Variants in TM6SF1 observed in about 807,000 individuals in gnomAD.
The protein encoded by TM6SF1 is transmembrane 6 superfamily member 1.
A neutral mutation model predicts 47.1 loss-of-function variants in TM6SF1; 43 were observed. The observed-to-expected ratio is 0.91, with a 90% CI of 0.72 to 1.18. TM6SF1 has a LOEUF of 1.18. Ranked by LOEUF, TM6SF1 falls within the 50% of genes most tolerant of loss-of-function variation. The probability of loss-of-function intolerance (pLI) is 0.00; values close to 1 mark genes in which losing one functional copy is unlikely to be tolerated. For missense variants in TM6SF1, 390 were observed against 449.0 expected, an observed-to-expected ratio of 0.87 and a Z score of 1.19; for synonymous variants, 177 against 166.3, an observed-to-expected ratio of 1.06 and a Z score of -0.49.
chr15:83,120,587 CTTTTT>C (rs993490763), intron 4 of TM6SF1, among the ~76,000 whole-genome samples: 1 of 125,946 alleles, frequency 7.9e-6, no homozygotes, highest in Non-Finnish European at 1.7e-5. Flanking sequence ...CCAGCTAATT[CTTTTT>C]TTTTTTTTTT....
Position 83,111,768 on chromosome 15 carries a change from T to TCCC in TM6SF1, c.93-1029_93-1028insCCC, listed in dbSNP as rs2034207480. ...TGCTGGAGGTGTGAGAGGGAGAGTA[T>TCCC]TGCTGTTGGACTGCAGGAGAACTCC... On this transcript the variant is annotated intron_variant, in intron 1 of 9. Transcript: ENST00000322019. The TCCC allele has an allele frequency of 6.2e-6, 5 of 811,780 alleles. No homozygotes were observed. The African/African-American group carries it at 7.4e-5, about 12-fold the overall frequency. 50.3% of individuals were successfully genotyped at this position (811,780 alleles called of 1,614,324 possible).
In TM6SF1 at chr15:83,127,404, TG is replaced by T; in HGVS notation, c.849del (p.Tyr284MetfsTer3). On this transcript the variant is annotated frameshift_variant, in exon 9 of 10. Transcript: ENST00000322019. LOFTEE classifies it high-confidence loss of function. Reference sequence around the variant, plus strand: ...TCTGTTCCTTACTTTGTGACTGCACTGTATGGCTTAGTGGTTCCTGGATGTT... The same window carrying T: ...TCTGTTCCTTACTTTGTGACTGCACTTATGGCTTAGTGGTTCCTGGATGTT... ...FYSVPYFVTA[L>X]YGLVVPGCSW... 1.9e-6 allele frequency: 3 copies of T among 1,614,082 alleles called. No individual in the cohort carries two copies. Among genetic ancestry groups the T allele is most frequent in the Non-Finnish European group, 2.5e-6 (3 of 1,179,952 alleles).
chr15:83,124,664 T>C lies in TM6SF1; in HGVS notation c.604-8T>C. The C allele has an allele frequency of 6.2e-7, 1 of 1,612,676 alleles. No homozygotes were observed. Among genetic ancestry groups the C allele is most frequent in the Non-Finnish European group, 8.5e-7 (1 of 1,178,914 alleles). Reference sequence around the variant, plus strand: ...GGGCCTGCTCTTTAGGTACAAACTCTATTTTAGGTTATTCAAGAAGCCCAA... The same window carrying C: ...GGGCCTGCTCTTTAGGTACAAACTCCATTTTAGGTTATTCAAGAAGCCCAA... On this transcript the variant is annotated splice_polypyrimidine_tract_variant and splice_region_variant and intron_variant, in intron 6 of 9. Transcript: ENST00000322019.
At position 83,122,845 on chromosome 15, in the gene TM6SF1, T is replaced by C; in HGVS notation, c.570T>C (p.Asn190=). 6.2e-7 allele frequency: 1 copy of C among 1,614,062 alleles called. No individual in the cohort carries two copies. Among genetic ancestry groups the C allele is most frequent in the East Asian group, 2.2e-5 (1 of 44,880 alleles). Residue 190 remains asparagine (N), a synonymous_variant, in exon 6 of 10, where the codon AAT becomes AAC. Transcript: ENST00000322019. The part of the protein sequence containing the change: ...LPVWAGFRIY[N]QPSENYNYPS... ...TCTGGGCTGGTTTCAGAATCTATAA[T>C]CAGCCATCAGAAAATTATAATTACC...
chr15:83,122,997 TG>T, intron 6 of TM6SF1, 119 bp downstream of exon 6: 1 of 1,149,314 alleles, frequency 8.7e-7, no homozygotes, highest in Non-Finnish European at 1.2e-6. Flanking sequence ...ATCCAAACAG[TG>T]CGACTGTTTT....
In TM6SF1 at chr15:83,107,664, G is replaced by T; in HGVS notation, c.-17G>T. 6.5e-7 allele frequency: 1 copy of T among 1,535,344 alleles called. No individual in the cohort carries two copies. ...CCCAGCGGGATGCGGTGAAGGGCGA[G>T]CGGCGCGGCGGCTGCGATGAGTGCC... On this transcript the variant is annotated 5_prime_UTR_variant, in exon 1 of 10. Coordinates refer to ENST00000322019, the MANE Select transcript of TM6SF1 (RefSeq NM_023003.5). This position sits in a 1 kb window ranked among gnomAD's most constrained non-coding sequence, Gnocchi z 5.6.
chr15:83,118,026 T>C (rs1322636236), intron 3 of TM6SF1, among the ~76,000 whole-genome samples: 1 of 152,156 alleles, frequency 6.6e-6, no homozygotes, highest in East Asian at 1.9e-4. Flanking sequence ...AAAATGACCA[T>C]GTGGTTTTGA....
At chr15:83,129,611 C>G (rs2036064536) in intron 9 of TM6SF1, 1 of 152,216 alleles carries the variant, frequency 6.6e-6, no homozygotes, top group South Asian at 2.1e-4. Context: ...CTCCAAAGCT[C>G]ATATTCTTCT....
At position 83,122,986 on chromosome 15, in the gene TM6SF1, C is replaced by A. The variant is rs947876322; in HGVS notation, c.603+108C>A. 22 of 1,283,704 alleles carry A rather than the reference C, an allele frequency of 1.7e-5. 1 individual carries two copies. In the African/African-American group the frequency reaches 3.1e-4, roughly 18 times the overall value. The allele number at this position is 1,283,704 out of a possible 1,614,324, so 79.5% of individuals were successfully genotyped here. A position where few individuals can be genotyped will look rare whatever the true frequency, so the allele number is the denominator to read the frequency against. ...CCTCTGTGGACTGGAGCATTTGGGG[C>A]ATCCAAACAGTGCGACTGTTTTGAT... On this transcript the variant is annotated intron_variant, in intron 6 of 9. Transcript: ENST00000322019.
intron 9 of TM6SF1, chr15:83,130,817 A>T (rs1334068434): frequency 2.0e-5 from 3 of 152,206 alleles, no homozygotes; most frequent in Admixed American, 1.3e-4. Flanking sequence ...CCAGCAAGGC[A>T]CGGTGGCTCA....
At chr15:83,108,856 A>T (rs867912941) in intron 1 of TM6SF1, among the ~76,000 whole-genome samples, 23 of 152,238 alleles carry the variant, frequency 1.5e-4, no homozygotes, top group Admixed American at 2.6e-4. Context: ...AGTGCTCACC[A>T]GGCACCAGCA....
rs2033814451 is a variant in TM6SF1 at position 83,107,948 on chromosome 15, CG to C, written c.92+179del. On this transcript the variant is annotated intron_variant, in intron 1 of 9. Transcript: ENST00000322019. The surrounding 1 kb of genome is among the most constrained non-coding windows in gnomAD (Gnocchi z 5.6). ...CTAGGGGGGCGCCCCAGGGGTCGCACGGGCCGGGTCTTGGAGCCGGGCCCTG... is the reference window on the plus strand; with the variant it reads ...CTAGGGGGGCGCCCCAGGGGTCGCACGGCCGGGTCTTGGAGCCGGGCCCTG... 3.3e-6 allele frequency: 4 copies of C among 1,228,880 alleles called. No individual in the cohort carries two copies. In the Admixed American group the frequency reaches 1.7e-4, roughly 53 times the overall value. 76.1% of individuals were successfully genotyped at this position (1,228,880 alleles called of 1,614,324 possible). A position where few individuals can be genotyped will look rare whatever the true frequency, so the allele number is the denominator to read the frequency against.
intron 3 of TM6SF1, among the ~76,000 whole-genome samples, chr15:83,118,682 TC>T (rs1307094438): frequency 6.6e-6 from 1 of 152,174 alleles, no homozygotes; most frequent in Non-Finnish European, 1.5e-5. Flanking sequence ...TCTGCACTCT[TC>T]CTTGTTGTAG....
At chr15:83,136,396 G>A in intron 9 of TM6SF1, 85 bp from the exon 10 acceptor site, 2 of 1,190,934 alleles carry the variant, frequency 1.7e-6, no homozygotes, top group Non-Finnish European at 2.3e-6. Flanking sequence ...CAGAAACGTA[G>A]CCTGAATGAA....
At chr15:83,113,137 G>A in intron 2 of TM6SF1, 1 of 561,552 alleles carries the variant, frequency 1.8e-6, no homozygotes, top group Admixed American at 3.1e-5. Flanking sequence ...GCCAGGCAGG[G>A]CACCCTGCCA....
intron 9 of TM6SF1, chr15:83,133,975 C>T (rs772651641): frequency 3.9e-5 from 6 of 152,200 alleles, no homozygotes; most frequent in Non-Finnish European, 8.8e-5. Context: ...TCTTCTCTCA[C>T]ATACAAATGC....
intron 9 of TM6SF1, chr15:83,128,925 G>A (rs2151378929): frequency 6.6e-6 from 1 of 152,308 alleles, no homozygotes; most frequent in African/African-American, 2.4e-5. Flanking sequence ...CGGACTCCTA[G>A]GCTCAAGCAA....
At chr15:83,126,094 A>G (rs1372803342) in intron 7 of TM6SF1, among the ~76,000 whole-genome samples, 1 of 152,154 alleles carries the variant, frequency 6.6e-6, no homozygotes, top group Non-Finnish European at 1.5e-5. Flanking sequence ...GTGGGGGTGC[A>G]TGCAAGGTGG....
chr15:83,133,730 C>G (rs893781847), intron 9 of TM6SF1: 11 of 152,264 alleles, frequency 7.2e-5, no homozygotes, highest in Non-Finnish European at 1.0e-4. Context: ...CCTTGTGCTG[C>G]TGGGAACATC....
Sources: allele counts gnomAD v4.1 joint callset (sites outside exome capture counted in the v4.1 genomes callset), GRCh38; gene constraint gnomAD v4.1.1; non-coding constraint Gnocchi (gnomAD v3.1); transcripts MANE v1.5; gene names NCBI Gene and HGNC (gene_info 2026-07-23, HGNC 2026-07-21).